Variants in RBFOX1 observed in about 807,000 individuals in gnomAD.
RBFOX1 encodes RNA binding protein fox-1 homolog 1.
Under a neutral mutation model 57.7 loss-of-function variants are expected in RBFOX1, and 8 were observed. The ratio of observed to expected loss-of-function variants is 0.14; its 90% CI spans 0.08 to 0.25. RBFOX1 has a LOEUF of 0.25. Ranked by LOEUF, RBFOX1 falls within the 10% of genes least tolerant of loss-of-function variation. The pLI is 1.00. For synonymous variants in RBFOX1, 326 were observed against 222.4 expected (o/e 1.47, Z -4.15); for missense variants, 611 against 548.5 (o/e 1.11, Z -1.14).
chr16:7,277,866 T>C (rs368246626), intron 4 of RBFOX1, among the ~76,000 whole-genome samples: 7 of 151,900 alleles, frequency 4.6e-5, no homozygotes, highest in African/African-American at 1.7e-4. Flanking sequence ...TTGCAGCTCT[T>C]CTAGAGACAT....
In RBFOX1 at chr16:7,298,285, G is replaced by GTTTTTTT. The variant is rs201092743; in HGVS notation, c.28-219847_28-219841dup. Among the ~76,000 whole-genome samples the GTTTTTTT allele has an allele frequency of 1.7e-3, 162 of 96,582 alleles. 1 individual carries two copies. Among genetic ancestry groups the GTTTTTTT allele is most frequent in the Middle Eastern group, 0.019 (2 of 106 alleles). The allele number at this position is 96,582 out of a possible 152,430, so 63.4% of individuals were successfully genotyped here. A position where few individuals can be genotyped will look rare whatever the true frequency, so the allele number is the denominator to read the frequency against. Reference sequence around the variant, plus strand: ...AAAATTTGTGTATAGGTTTTTTTTTGTTTTTTTTTTTTTTTTTTTTTGAGA... The same window carrying GTTTTTTT: ...AAAATTTGTGTATAGGTTTTTTTTTGTTTTTTTTTTTTTTTTTTTTTTTTTTTTGAGA... On this transcript the variant is annotated intron_variant, in intron 4 of 15. Transcript: ENST00000550418.
intron 3 of RBFOX1, among the ~76,000 whole-genome samples, chr16:6,902,786 C>G (rs574053268): frequency 2.0e-5 from 3 of 152,140 alleles, no homozygotes; most frequent in African/African-American, 7.2e-5. Context: ...CTCATCATGT[C>G]ATCAGAACCA....
At chr16:7,084,553 A>G (rs1441638651) in intron 4 of RBFOX1, among the ~76,000 whole-genome samples, 2 of 152,180 alleles carry the variant, frequency 1.3e-5, no homozygotes, top group East Asian at 1.9e-4. Flanking sequence ...AGAAAGGGGA[A>G]TGTCAAGGTG....
chr16:7,248,937 C>T (rs570313641), intron 4 of RBFOX1, among the ~76,000 whole-genome samples: 9 of 152,158 alleles, frequency 5.9e-5, no homozygotes, highest in Admixed American at 2.6e-4. Context: ...AGGCGGGTAG[C>T]ACCATCTTGT....
intron 1 of RBFOX1, among the ~76,000 whole-genome samples, chr16:6,091,405 A>T (rs983983425): frequency 5.9e-5 from 9 of 152,198 alleles, no homozygotes; most frequent in Non-Finnish European, 1.2e-4. Flanking sequence ...ATTTCTCTTT[A>T]TAGAGGTCAC....
intron 1 of RBFOX1, among the ~76,000 whole-genome samples, chr16:6,031,491 C>A (rs985395293): frequency 2.0e-5 from 3 of 152,180 alleles, no homozygotes; most frequent in African/African-American, 7.2e-5. Context: ...GTACAAGGAG[C>A]ACCATGCCAG....
At chr16:7,071,782 C>T (rs939619363) in intron 4 of RBFOX1, among the ~76,000 whole-genome samples, 3 of 151,826 alleles carry the variant, frequency 2.0e-5, no homozygotes, top group Non-Finnish European at 4.4e-5. Context: ...CTTCATATAC[C>T]CAAATTCACA....
chr16:6,243,949 T>C (rs2097554490), intron 1 of RBFOX1, among the ~76,000 whole-genome samples: 3 of 152,304 alleles, frequency 2.0e-5, no homozygotes, highest in South Asian at 4.1e-4. Context: ...TGTTTAGTTG[T>C]ATAAGCCAGT....
chr16:5,274,704 G>C (rs184084426), intron 1 of RBFOX1, among the ~76,000 whole-genome samples: 1 of 152,178 alleles, frequency 6.6e-6, no homozygotes, highest in Non-Finnish European at 1.5e-5. Flanking sequence ...GGGTTATTTT[G>C]CCTAGACTAT....
chr16:7,205,978 G>C (rs912909464), intron 4 of RBFOX1, among the ~76,000 whole-genome samples: 2 of 152,240 alleles, frequency 1.3e-5, no homozygotes, highest in African/African-American at 4.8e-5. Context: ...ACGACATGAT[G>C]AGCCTATGGC....
chr16:7,564,552 A>AAAG, intron 5 of RBFOX1, among the ~76,000 whole-genome samples: 1 of 81,494 alleles, frequency 1.2e-5, no homozygotes, highest in East Asian at 2.0e-4. Flanking sequence ...AAAAAAAAAA[A>AAAG]AAAAAAAAAA....
chr16:6,651,196 C>T (rs1002816119), intron 2 of RBFOX1, among the ~76,000 whole-genome samples: 2 of 152,116 alleles, frequency 1.3e-5, no homozygotes, highest in African/African-American at 2.4e-5. Flanking sequence ...GCCACCACAC[C>T]CGGCCTGGAA....
intron 4 of RBFOX1, among the ~76,000 whole-genome samples, chr16:7,250,323 T>G (rs2094459066): frequency 6.6e-6 from 1 of 152,224 alleles, no homozygotes; most frequent in Non-Finnish European, 1.5e-5. Flanking sequence ...CGTGGGATGC[T>G]TATATTAATT....
At chr16:6,718,977 C>G (rs1390078719) in intron 3 of RBFOX1, among the ~76,000 whole-genome samples, 2 of 152,052 alleles carry the variant, frequency 1.3e-5, no homozygotes, top group Non-Finnish European at 2.9e-5. Context: ...ATCCTCCCAC[C>G]TCAGCTTCCC....
intron 3 of RBFOX1, among the ~76,000 whole-genome samples, chr16:5,765,373 C>T (rs547324742): frequency 6.6e-5 from 10 of 152,280 alleles, no homozygotes; most frequent in South Asian, 2.1e-4. Context: ...AGTTTCAATA[C>T]ACATGTCTTT....
At chr16:7,539,469 C>T (rs1226976930) in intron 5 of RBFOX1, among the ~76,000 whole-genome samples, 2 of 152,154 alleles carry the variant, frequency 1.3e-5, no homozygotes, top group Admixed American at 6.5e-5. Context: ...ATATAAAGAG[C>T]GTATTTTTGC....
chr16:5,367,714 A>G (rs541658), intron 1 of RBFOX1, among the ~76,000 whole-genome samples: 131,617 of 152,224 alleles, frequency 0.86, 57,111 homozygotes, highest in Non-Finnish European at 0.89. Context: ...ACTGCGCTAA[A>G]AGGTAGAGGC....
chr16:6,700,407 C>T (rs2061654072), intron 3 of RBFOX1, among the ~76,000 whole-genome samples: 1 of 151,892 alleles, frequency 6.6e-6, no homozygotes, highest in Admixed American at 6.6e-5. Context: ...TCTGTAATCT[C>T]AGCACTTTGG....
chr16:6,188,685 G>A (rs190232966), intron 1 of RBFOX1, among the ~76,000 whole-genome samples: 60 of 152,256 alleles, frequency 3.9e-4, no homozygotes, highest in African/African-American at 1.3e-3. Context: ...AAAAAATCTT[G>A]GAAGTAATGA....
Sources: gnomAD v4.1 joint callset for allele counts (sites outside exome capture counted in the v4.1 genomes callset) on GRCh38, gnomAD v4.1.1 for gene constraint, MANE v1.5 for transcripts, NCBI Gene and HGNC (gene_info 2026-07-23, HGNC 2026-07-21) for gene names.